Variants in TTN observed in about 807,000 individuals in gnomAD.
The protein encoded by TTN is connectin.
Under a neutral mutation model 3,223.0 loss-of-function variants are expected in TTN, and 1,525 were observed. The ratio of observed to expected loss-of-function variants is 0.47; its 90% CI spans 0.45 to 0.49. TTN has a LOEUF of 0.49. Ranked by LOEUF, TTN falls within the 20% of genes least tolerant of loss-of-function variation. TTN has a pLI of 0.00. For synonymous variants in TTN, 14,094 were observed against 15,161.0 expected (o/e 0.93, Z 5.17); for missense variants, 40,786 against 43,424.0 (o/e 0.94, Z 5.40).
rs762269257 is a variant in TTN at position 178,718,951 on chromosome 2, G to T, written c.24249C>A (p.Thr8083=). 4.4e-6 allele frequency: 7 copies of T among 1,608,352 alleles called. No homozygotes were observed. In the Admixed American group the frequency reaches 1.0e-4, roughly 23 times the overall value. ...TVQEPPSFEQ[T]PDSVEVLPGM... ...CAGGCAAAACTTCCACAGAATCAGG[G>T]GTTTGTTCAAAAGATGGTGGTTCTA... The change falls in exon 84 of 363, where the codon ACC becomes ACA. Residue 8083 remains threonine, a synonymous_variant. Coordinates refer to ENST00000589042, the MANE Select transcript of TTN (RefSeq NM_001267550.2).
In TTN at chr2:178,634,690, G is replaced by T. The variant is rs780236168; in HGVS notation, c.42151+33C>A. The T allele has an allele frequency of 5.0e-6, 8 of 1,612,064 alleles. No individual in the cohort carries two copies. The Admixed American group carries it at 8.4e-5, about 17-fold the overall frequency. On this transcript the variant is annotated intron_variant, in intron 229 of 362. Coordinates refer to ENST00000589042, the MANE Select transcript of TTN (RefSeq NM_001267550.2). This position sits in a 1 kb window ranked among gnomAD's most constrained non-coding sequence, Gnocchi z 4.6. ...ATGCACAGGGAAGTGAAATAAAGTT[G>T]AGACCCCTCCCCAAATTCTAAAAGC...
chr2:178,632,879 A>G, intron 234 of TTN, 39 bp downstream of exon 234: 1 of 1,611,524 alleles, frequency 6.2e-7, no homozygotes, highest in South Asian at 1.1e-5. Context: ...GAAGTCTTGC[A>G]GAGAAAATAC....
intron 356 of TTN, 119 bp from the exon 357 acceptor site, chr2:178,536,694 G>C: frequency 1.0e-6 from 1 of 952,888 alleles, no homozygotes; most frequent in South Asian, 2.3e-5. Context: ...AGCTATTCCA[G>C]AAAGATGAAA....
At chr2:178,761,154 C>CT (rs138996064) in intron 43 of TTN, 8,175 of 152,340 alleles carry the variant, frequency 0.054, 369 homozygotes, top group South Asian at 0.16. Context: ...CAATACCCCA[C>CT]TTGTCTCTCC....
At chr2:178,684,224 A>AGAT in intron 132 of TTN, 106 bp downstream of exon 132, 1 of 1,140,000 alleles carries the variant, frequency 8.8e-7, no homozygotes, top group South Asian at 1.6e-5. Context: ...AACAACAACA[A>AGAT]CATCAACAAC....
rs2073665787 is a variant in TTN, at chr2:178,696,152, T to G, written c.30920A>C (p.His10307Pro). The change falls in exon 114 of 363, where the codon CAC becomes CCC. Residue 10307 changes from histidine (H) to proline (P), a missense_variant. By Grantham distance (77) the His-to-Pro change is moderately conservative (BLOSUM62 -2). Coordinates refer to ENST00000589042, the MANE Select transcript of TTN (RefSeq NM_001267550.2). ...EAVYEKKQAV[H>P]KEKRVFIESF... ...TTCAATGAAGACTCTCTTCTCCTTG[T>G]GGACTGCTTGCTTTTTCTCATACAC... is the stretch of plus-strand genomic sequence containing the variant. 1.3e-6 allele frequency: 2 copies of G among 1,554,494 alleles called. No individual in the cohort carries two copies. Among genetic ancestry groups the G allele is most frequent in the African/African-American group, 1.4e-5 (1 of 73,470 alleles).
Position 178,572,544 on chromosome 2 carries a change from C to T in TTN, c.73588G>A (p.Glu24530Lys). The T allele has an allele frequency of 1.2e-6, 2 of 1,613,454 alleles. No homozygotes were observed. The highest frequency in any genetic ancestry group is 1.1e-5 in the South Asian group (1 of 91,062). Residue 24530 changes from glutamate to lysine, a missense_variant, in exon 326 of 363, where the codon GAG (glutamate) becomes AAG (lysine). By Grantham distance (56) the Glu-to-Lys change is moderately conservative. Transcript: ENST00000589042. Reference protein sequence around the residue: ...PGPPQDLKVKEVTKTSVTLTW... With the variant: ...PGPPQDLKVKKVTKTSVTLTW... ...AGTGTGACAGATGTCTTAGTGACCT[C>T]TTTTACCTTCAGATCCTGTGGGGGG...
chr2:178,695,209 A>G (rs1038183984), intron 115 of TTN, 139 bp downstream of exon 115: 5 of 606,906 alleles, frequency 8.2e-6, no homozygotes, highest in African/African-American at 5.7e-5. Flanking sequence ...AAATTTTAAG[A>G]AAAAAAAATC....
In TTN at chr2:178,592,852, C is replaced by T; in HGVS notation, c.59267G>A (p.Arg19756Lys). 6.2e-7 allele frequency: 1 copy of T among 1,613,528 alleles called. No homozygotes were observed. The highest frequency in any genetic ancestry group is 8.5e-7 in the Non-Finnish European group (1 of 1,179,626). The change falls in exon 300 of 363, where the codon AGA (arginine) becomes AAA (lysine). Residue 19756 changes from arginine to lysine, a missense_variant. Arg to Lys is a conservative substitution (Grantham distance 26). Coordinates refer to ENST00000589042, the MANE Select transcript of TTN (RefSeq NM_001267550.2). ...GLRDGQTYKF[R>K]VLAVNAAGES... ...ACCAGCTGCATTGACTGCTAACACT[C>T]TAAACTTATAGGTTTGACCGTCCCG...
At position 178,616,788 on chromosome 2, in the gene TTN, G is replaced by T; in HGVS notation, c.48101C>A (p.Thr16034Lys). 6.2e-7 allele frequency: 1 copy of T among 1,612,728 alleles called. No homozygotes were observed. Among genetic ancestry groups the T allele is most frequent in the Non-Finnish European group, 8.5e-7 (1 of 1,179,174 alleles). The change falls in exon 256 of 363, where the codon ACA becomes AAA. Residue 16034 changes from threonine (T) to lysine (K), a missense_variant. Transcript: ENST00000589042. ...TTTCACACGGTTTTCTAATTTCAGT[G>T]TATAAATGCCCTTGTCTGAACGTTC... is the stretch of plus-strand genomic sequence containing the variant. The part of the protein sequence containing the change: ...PSERSDKGIY[T>K]LKLENRVKTI...
At chr2:178,736,764 C>A (rs1033293173) in intron 49 of TTN, among the ~76,000 whole-genome samples, 4 of 152,118 alleles carry the variant, frequency 2.6e-5, no homozygotes, top group Non-Finnish European at 4.4e-5. Context: ...AACTTCCAAA[C>A]GCGTCAGTAT....
In TTN at chr2:178,543,384, C is replaced by T; in HGVS notation, c.96589G>A (p.Val32197Ile). ...IGEPCETSDA[V>I]LVSEVPLVPA... ...ACCAAAGGCACTTCTGAGACCAGTA[C>T]TGCATCAGATGTTTCACAAGGTTCT... Residue 32197 changes from valine (V) to isoleucine (I), a missense_variant, in exon 347 of 363, where the codon GTA (valine) becomes ATA (isoleucine). Coordinates refer to ENST00000589042, the MANE Select transcript of TTN (RefSeq NM_001267550.2). 1 of 1,613,882 alleles carries T rather than the reference C, an allele frequency of 6.2e-7. No homozygotes were observed. The highest frequency in any genetic ancestry group is 8.5e-7 in the Non-Finnish European group (1 of 1,179,814).
rs1698949079 is a variant in TTN at position 178,550,459 on chromosome 2, A to G, written c.91565-186T>C. On this transcript the variant is annotated intron_variant, in intron 336 of 362. Transcript: ENST00000589042. ...GGACTATGGGGTTAAATATTTGCCT[A>G]TTATTATTCCCTTTGTAATGCCTGT... 7 of 559,256 alleles carry G rather than the reference A, an allele frequency of 1.3e-5. No homozygotes were observed. In the Admixed American group the frequency reaches 2.4e-4, roughly 19 times the overall value. The allele number at this position is 559,256 out of a possible 1,614,324, so 34.6% of individuals were successfully genotyped here.
Position 178,543,444 on chromosome 2 carries a change from A to G in TTN, c.96529T>C (p.Phe32177Leu), listed in dbSNP as rs1283604141. The G allele has an allele frequency of 6.2e-7, 1 of 1,613,814 alleles. No individual in the cohort carries two copies. Among genetic ancestry groups the G allele is most frequent in the South Asian group, 1.1e-5 (1 of 91,086 alleles). ...TAAATATTTTCTGGCAGCACTCTGA[A>G]ATAGTACATGGTTCCTTCTACAAGT... ...SGLVEGTMYY[F>L]RVLPENIYGI... Residue 32177 changes from phenylalanine to leucine, a missense_variant, in exon 347 of 363, where the codon TTC becomes CTC. Coordinates refer to ENST00000589042, the MANE Select transcript of TTN (RefSeq NM_001267550.2).
chr2:178,767,258 T>C (rs1269996482), intron 40 of TTN, among the ~76,000 whole-genome samples: 1 of 152,226 alleles, frequency 6.6e-6, no homozygotes, highest in Non-Finnish European at 1.5e-5. Flanking sequence ...GCTCTGTAAA[T>C]GCAGCCGACA....
chr2:178,692,529 A>C lies in TTN; in HGVS notation c.31646T>G (p.Ile10549Ser), dbSNP rs2072717954. Residue 10549 changes from isoleucine to serine, a missense_variant, in exon 120 of 363, where the codon ATC (isoleucine) becomes AGC (serine). Transcript: ENST00000589042. The stretch of plus-strand genomic sequence containing the variant: ...TGCTGGGGGCTCCACTTTTTTAGGG[A>C]TAGGAACAGGGGCCACTTCTTCTGG... ...PAPEEVAPVP[I>S]PKKVEPPAPK... The C allele has an allele frequency of 8.8e-6, 14 of 1,588,284 alleles. No homozygotes were observed. In the East Asian group the frequency reaches 3.2e-4, roughly 36 times the overall value.
intron 240 of TTN, among the ~76,000 whole-genome samples, chr2:178,628,124 GGC>G (rs2059308732): frequency 6.6e-6 from 1 of 152,012 alleles, no homozygotes; most frequent in Non-Finnish European, 1.5e-5. Context: ...CTGTATAACA[GGC>G]AGGCGTTACC....
At chr2:178,745,673 A>G (rs1363808802) in intron 47 of TTN, 5 of 1,611,948 alleles carry the variant, frequency 3.1e-6, no homozygotes, top group Non-Finnish European at 4.2e-6. Context: ...ACTCTTTACT[A>G]AGCTTGTTAT....
At position 178,548,303 on chromosome 2, in the gene TTN, A is replaced by G. The variant is rs373732722; in HGVS notation, c.93323T>C (p.Ile31108Thr). The G allele has an allele frequency of 6.2e-5, 100 of 1,613,876 alleles. 1 individual carries two copies. Among genetic ancestry groups the G allele is most frequent in the South Asian group, 2.7e-4 (25 of 91,072 alleles). The change falls in exon 339 of 363, where the codon ATT becomes ACT. Residue 31108 changes from isoleucine (I) to threonine (T), a missense_variant. Coordinates refer to ENST00000589042, the MANE Select transcript of TTN (RefSeq NM_001267550.2). This position sits in a 1 kb window ranked among gnomAD's most constrained non-coding sequence, Gnocchi z 4.3. ...TGGAGCAGGCTGTTCTGTGGCTACA[A>G]TTGGTTCTGGCATTTCATAGGGCTC... is the stretch of plus-strand genomic sequence containing the variant. ...VGEPYEMPEP[I>T]VATEQPAPPR...
Sources: allele counts gnomAD v4.1 joint callset (sites outside exome capture counted in the v4.1 genomes callset), GRCh38; gene constraint gnomAD v4.1.1; non-coding constraint Gnocchi (gnomAD v3.1); transcripts MANE v1.5; gene names NCBI Gene and HGNC (gene_info 2026-07-23, HGNC 2026-07-21).